The following WNT9B variants were observed in gnomAD, a reference collection of about 807,000 sequenced individuals.
WNT9B encodes Wnt family member 9B.
A neutral mutation model predicts 30.2 loss-of-function variants in WNT9B; 12 were observed. The observed-to-expected ratio is 0.40, with a 90% CI of 0.26 to 0.64. WNT9B has a LOEUF of 0.64. Ranked by LOEUF, WNT9B falls within the 30% of genes least tolerant of loss-of-function variation. The pLI, the probability that WNT9B is intolerant of heterozygous loss-of-function variation, is 0.42. For synonymous variants in WNT9B, 218 were observed against 216.9 expected (o/e 1.01, Z -0.05); for missense variants, 442 against 485.2 (o/e 0.91, Z 0.84).
intron 3 of WNT9B, 23 bp downstream of exon 3, chr17:46,875,389 G>A (rs752559054): frequency 1.5e-5 from 23 of 1,566,960 alleles, no homozygotes; most frequent in African/African-American, 4.1e-5. Flanking sequence ...CTGGCTGCCC[G>A]CAGTGCCTTC....
chr17:46,861,814 G>A (rs2085042263), intron 1 of WNT9B, among the ~76,000 whole-genome samples: 1 of 152,206 alleles, frequency 6.6e-6, no homozygotes, highest in Non-Finnish European at 1.5e-5. Context: ...GTTTTTCCTG[G>A]TGTTACAATC....
At chr17:46,881,872 A>G (rs1455883887), downstream of WNT9B, among the ~76,000 whole-genome samples, 2 of 152,230 alleles carry the variant, frequency 1.3e-5, no homozygotes, top group Non-Finnish European at 1.5e-5. Flanking sequence ...TCTCCTAAGG[A>G]CAAGAACATT....
At chr17:46,881,208 T>C (rs1336398958), downstream of WNT9B, among the ~76,000 whole-genome samples, 2 of 152,178 alleles carry the variant, frequency 1.3e-5, no homozygotes, top group East Asian at 3.9e-4. Flanking sequence ...GGGGTCCACA[T>C]TGCCTTAACT....
chr17:46,851,514 C>T (rs2084844223), upstream of WNT9B: 8 of 423,058 alleles, frequency 1.9e-5, no homozygotes, highest in Non-Finnish European at 3.8e-6. This position sits in a 1 kb window ranked among gnomAD's most constrained non-coding sequence, Gnocchi z 4.3. Context: ...GCCTCCCAAT[C>T]TCCTCCTTTC....
rs78153664 is a variant in WNT9B at position 46,862,996 on chromosome 17, C to T, written c.78-9521C>T. Among the ~76,000 whole-genome samples the T allele has an allele frequency of 4.4e-3, 677 of 152,356 alleles. 15 individuals carry two copies. Among genetic ancestry groups the T allele is most frequent in the East Asian group, 0.035 (181 of 5,178 alleles). On this transcript the variant is annotated intron_variant, in intron 1 of 3. Transcript: ENST00000290015. ...CCCAGGAACTGAGGTTCAGAGGGAACGGGCCTGGCTCTCAGACCCCAAGGT... is the reference window on the plus strand; with the variant it reads ...CCCAGGAACTGAGGTTCAGAGGGAATGGGCCTGGCTCTCAGACCCCAAGGT...
At chr17:46,838,942 A>T (rs139550714) in intron 1 of WNT9B, among the ~76,000 whole-genome samples, 1 of 151,930 alleles carries the variant, frequency 6.6e-6, no homozygotes, top group African/African-American at 2.4e-5. Context: ...AAGTGGAGTG[A>T]TCTTGGCTCA....
chr17:46,856,480 TTTTC>T (rs1483652701), intron 1 of WNT9B, among the ~76,000 whole-genome samples: 4 of 151,568 alleles, frequency 2.6e-5, no homozygotes, highest in African/African-American at 9.7e-5. Flanking sequence ...AATGCATGCT[TTTTC>T]TTTCTTTTTT....
At position 46,877,141 on chromosome 17, in the gene WNT9B, T is replaced by C; in HGVS notation, c.*423T>C. On this transcript the variant is annotated 3_prime_UTR_variant, in exon 4 of 4. Transcript: ENST00000290015. ...GGGCTAGGAATGCCAAGGCAGGCAG[T>C]GCCAGCTGGAAGTGAAGGCGGGAGC... 1.0e-6 allele frequency: 1 copy of C among 963,030 alleles called. No homozygotes were observed. The highest frequency in any genetic ancestry group is 4.8e-5 in the South Asian group (1 of 20,838). 59.7% of individuals were successfully genotyped at this position (963,030 alleles called of 1,614,324 possible). A position where few individuals can be genotyped will look rare whatever the true frequency, so the allele number is the denominator to read the frequency against.
chr17:46,868,329 T>A (rs4968242), intron 1 of WNT9B, among the ~76,000 whole-genome samples: 1 of 152,192 alleles, frequency 6.6e-6, no homozygotes, highest in African/African-American at 2.4e-5. Flanking sequence ...TGGTGGCTCA[T>A]GCCTGTAATC....
intron 1 of WNT9B, among the ~76,000 whole-genome samples, chr17:46,860,900 C>A (rs566426108): frequency 3.2e-4 from 49 of 152,228 alleles, no homozygotes; most frequent in African/African-American, 1.2e-3. Flanking sequence ...GCTCTGTCAC[C>A]CAGACTAGAG....
chr17:46,870,277 T>C (rs1216650953), intron 1 of WNT9B, among the ~76,000 whole-genome samples: 1 of 152,096 alleles, frequency 6.6e-6, no homozygotes, highest in Non-Finnish European at 1.5e-5. Flanking sequence ...GAGGGCAAGG[T>C]AGCTGCAGCC....
At chr17:46,834,895 A>G (rs916806593) in intron 1 of WNT9B, among the ~76,000 whole-genome samples, 6 of 152,162 alleles carry the variant, frequency 3.9e-5, no homozygotes, top group Admixed American at 1.3e-4. Flanking sequence ...AAGCATTCCA[A>G]AAAATGGCCA....
chr17:46,870,716 C>A (rs1026562439), intron 1 of WNT9B, among the ~76,000 whole-genome samples: 3 of 152,168 alleles, frequency 2.0e-5, no homozygotes, highest in Non-Finnish European at 2.9e-5. Flanking sequence ...GGCCTCCAGC[C>A]AGATGTCCTG....
upstream of WNT9B, among the ~76,000 whole-genome samples, chr17:46,851,061 G>A (rs2084835556): frequency 6.6e-6 from 1 of 152,168 alleles, no homozygotes; most frequent in Admixed American, 6.5e-5. This position sits in a 1 kb window ranked among gnomAD's most constrained non-coding sequence, Gnocchi z 4.3. Flanking sequence ...CATTTCCCCC[G>A]CTTCCAGAGA....
At chr17:46,859,546 TA>T (rs1006680145) in intron 1 of WNT9B, among the ~76,000 whole-genome samples, 20 of 152,232 alleles carry the variant, frequency 1.3e-4, no homozygotes, top group East Asian at 1.9e-4. Context: ...ACAGTAGCTT[TA>T]AAAAAAATTT....
chr17:46,852,997 T>C (rs4968280), intron 1 of WNT9B, among the ~76,000 whole-genome samples: 29,856 of 152,032 alleles, frequency 0.2, 3,597 homozygotes, highest in East Asian at 0.49. Context: ...GACCACTCAG[T>C]CTCTGGGCCT....
chr17:46,865,267 A>G (rs1271473484), intron 1 of WNT9B, among the ~76,000 whole-genome samples: 5 of 152,216 alleles, frequency 3.3e-5, no homozygotes, highest in African/African-American at 4.8e-5. Context: ...CGAGCTGCTC[A>G]CTACCCACTT....
chr17:46,873,086 TCACACACACACACACACACACACACACA>T (rs61118325), intron 2 of WNT9B, among the ~76,000 whole-genome samples: 3 of 139,816 alleles, frequency 2.1e-5, no homozygotes, highest in Non-Finnish European at 4.6e-5. Context: ...CTCTGCCTCT[TCACACACACACACACACACACACACACA>T]CACACACACA....
intron 1 of WNT9B, among the ~76,000 whole-genome samples, chr17:46,868,261 A>G (rs990995735): frequency 1.3e-5 from 2 of 152,218 alleles, no homozygotes; most frequent in African/African-American, 2.4e-5. Flanking sequence ...CTGATCTGAT[A>G]GCATCTCATT....
Sources: gnomAD v4.1 joint callset for allele counts (sites outside exome capture counted in the v4.1 genomes callset) on GRCh38, gnomAD v4.1.1 for gene constraint, Gnocchi (gnomAD v3.1) non-coding constraint, MANE v1.5 for transcripts, NCBI Gene and HGNC (gene_info 2026-07-23, HGNC 2026-07-21) for gene names.